The following ZNF385D variants were observed in gnomAD, a reference collection of about 807,000 sequenced individuals.
ZNF385D encodes the protein zinc finger protein 659.
A neutral mutation model predicts 35.8 loss-of-function variants in ZNF385D; 15 were observed. That is an observed-to-expected ratio of 0.42 (90% CI 0.28 to 0.64). The LOEUF (loss-of-function observed/expected upper bound fraction) is 0.64, where lower values mean the gene tolerates loss of function less well. ZNF385D is among the 30% of genes least tolerant of loss of function. The pLI is 0.23. For missense variants in ZNF385D, 474 were observed against 494.6 expected (o/e 0.96, Z 0.39); for synonymous variants, 212 against 186.8 (o/e 1.13, Z -1.10).
At chr3:22,346,679 T>C (rs1376177024) in intron 2 of ZNF385D, among the ~76,000 whole-genome samples, 2 of 152,196 alleles carry the variant, frequency 1.3e-5, no homozygotes, top group African/African-American at 2.4e-5. Context: ...GAAACCGTTG[T>C]TCAAGAGTTA....
At chr3:21,730,845 A>T (rs2068962480) in intron 1 of ZNF385D, among the ~76,000 whole-genome samples, 1 of 152,106 alleles carries the variant, frequency 6.6e-6, no homozygotes, top group Admixed American at 6.5e-5. Flanking sequence ...CCCACATCAC[A>T]AAATACAGAT....
At chr3:21,923,185 C>A (rs895472051) in intron 3 of ZNF385D, among the ~76,000 whole-genome samples, 1 of 150,990 alleles carries the variant, frequency 6.6e-6, no homozygotes, top group Non-Finnish European at 1.5e-5. Context: ...CCTCCCCCAT[C>A]CCCCCACCCC....
At chr3:21,947,959 G>C (rs1241602357) in intron 3 of ZNF385D, among the ~76,000 whole-genome samples, 1 of 152,006 alleles carries the variant, frequency 6.6e-6, no homozygotes, top group Non-Finnish European at 1.5e-5. Context: ...GATACAATTA[G>C]TTCTTTGTTC....
At chr3:21,957,487 G>C (rs1464936489) in intron 3 of ZNF385D, among the ~76,000 whole-genome samples, 1 of 152,114 alleles carries the variant, frequency 6.6e-6, no homozygotes, top group African/African-American at 2.4e-5. Flanking sequence ...TCCAGGCTGA[G>C]GTGGTCTCAG....
intron 2 of ZNF385D, among the ~76,000 whole-genome samples, chr3:22,193,714 TA>T: frequency 6.6e-6 from 1 of 152,046 alleles, no homozygotes. Flanking sequence ...CTCACTTTTG[TA>T]AATAAGTCCA....
chr3:21,742,401 C>T (rs1293156546), intron 1 of ZNF385D, among the ~76,000 whole-genome samples: 4 of 152,186 alleles, frequency 2.6e-5, no homozygotes, highest in African/African-American at 9.6e-5. Context: ...AATACTCTCC[C>T]ATTTAAATTG....
intron 4 of ZNF385D, among the ~76,000 whole-genome samples, chr3:21,479,908 T>C (rs1461028358): frequency 6.6e-6 from 1 of 152,152 alleles, no homozygotes; most frequent in Non-Finnish European, 1.5e-5. Flanking sequence ...GCTATTTAAA[T>C]ATACAGATTA....
intron 3 of ZNF385D, among the ~76,000 whole-genome samples, chr3:21,865,445 G>T (rs533876297): frequency 3.9e-5 from 6 of 152,102 alleles, no homozygotes; most frequent in African/African-American, 1.4e-4. Context: ...TATTATTAAG[G>T]CATTTTGAAT....
intron 1 of ZNF385D, among the ~76,000 whole-genome samples, chr3:21,699,603 T>G (rs1361883078): frequency 6.6e-6 from 1 of 152,094 alleles, no homozygotes; most frequent in Non-Finnish European, 1.5e-5. Flanking sequence ...ACTCTAAATG[T>G]AAATACAAGA....
intron 2 of ZNF385D, among the ~76,000 whole-genome samples, chr3:21,660,061 C>T (rs2066190281): frequency 6.6e-6 from 1 of 152,008 alleles, no homozygotes; most frequent in Non-Finnish European, 1.5e-5. Flanking sequence ...GCAGTTGGTC[C>T]TTTGTAAAAC....
At chr3:22,260,519 AG>A (rs1700573713) in intron 2 of ZNF385D, among the ~76,000 whole-genome samples, 1 of 152,058 alleles carries the variant, frequency 6.6e-6, no homozygotes, top group African/African-American at 2.4e-5. Flanking sequence ...TTAAAAAAAA[AG>A]AAAACTACAT....
intron 3 of ZNF385D, among the ~76,000 whole-genome samples, chr3:21,994,720 A>G (rs969617055): frequency 3.9e-5 from 6 of 152,220 alleles, no homozygotes; most frequent in African/African-American, 1.4e-4. Context: ...AGATGTATCA[A>G]TAGTGCTGAT....
chr3:22,017,352 C>T (rs943685689), intron 3 of ZNF385D, among the ~76,000 whole-genome samples: 1 of 151,824 alleles, frequency 6.6e-6, no homozygotes, highest in African/African-American at 2.4e-5. Flanking sequence ...AATGCTATAC[C>T]ACTGTTCTTT....
At chr3:22,049,028 G>C (rs961166448) in intron 3 of ZNF385D, among the ~76,000 whole-genome samples, 5 of 152,052 alleles carry the variant, frequency 3.3e-5, no homozygotes, top group Non-Finnish European at 7.4e-5. Flanking sequence ...CGGGCGTAGT[G>C]GCTCAGGCCT....
intron 3 of ZNF385D, among the ~76,000 whole-genome samples, chr3:21,949,555 T>TTTCTTTC (rs375725160): frequency 0.46 from 52,677 of 114,540 alleles, 10,674 homozygotes; most frequent in Non-Finnish European, 0.5. Flanking sequence ...TCTTTCTTTC[T>TTTCTTTC]TTTTTTTTTT....
chr3:21,972,406 T>C (rs2125343991), intron 3 of ZNF385D, among the ~76,000 whole-genome samples: 1 of 151,800 alleles, frequency 6.6e-6, no homozygotes, highest in East Asian at 1.9e-4. Flanking sequence ...AAATACAACA[T>C]ACAAAAACTT....
chr3:21,946,606 T>C (rs1463128095), intron 3 of ZNF385D, among the ~76,000 whole-genome samples: 1 of 152,048 alleles, frequency 6.6e-6, no homozygotes, highest in African/African-American at 2.4e-5. Context: ...CTGAGGCAAG[T>C]GGATCACTTG....
At chr3:21,866,863 C>T (rs1697392618) in intron 3 of ZNF385D, among the ~76,000 whole-genome samples, 1 of 152,160 alleles carries the variant, frequency 6.6e-6, no homozygotes, top group African/African-American at 2.4e-5. Context: ...GGGCCCACAT[C>T]TTTGGGCTTA....
At chr3:22,343,737 C>A (rs543995610) in intron 2 of ZNF385D, among the ~76,000 whole-genome samples, 3 of 152,216 alleles carry the variant, frequency 2.0e-5, no homozygotes, top group Non-Finnish European at 4.4e-5. Context: ...TTAATGCTTG[C>A]ATCTGAGAAC....
Sources: gnomAD v4.1 joint callset for allele counts (sites outside exome capture counted in the v4.1 genomes callset) on GRCh38, gnomAD v4.1.1 for gene constraint, MANE v1.5 for transcripts, NCBI Gene and HGNC (gene_info 2026-07-23, HGNC 2026-07-21) for gene names.